GAL3ST2: variants seen among roughly 807,000 people sequenced by gnomAD.
GAL3ST2 encodes the protein beta-galactose-3-O-sulfotransferase 2.
A neutral mutation model predicts 12.9 loss-of-function variants in GAL3ST2; 16 were observed. The ratio of observed to expected loss-of-function variants is 1.24; its 90% CI spans 0.84 to 1.88. The LOEUF (loss-of-function observed/expected upper bound fraction) is 1.88, where lower values mean the gene tolerates loss of function less well. GAL3ST2 is among the 40% of genes most tolerant of loss of function. GAL3ST2 has a pLI of 0.00. For synonymous variants in GAL3ST2, 302 were observed against 273.9 expected (o/e 1.10, Z -1.01); for missense variants, 639 against 571.8 (o/e 1.12, Z -1.20).
At position 241,779,734 on chromosome 2, in the gene GAL3ST2, C is replaced by T. The variant is rs189361826; in HGVS notation, c.29+2750C>T. Among the ~76,000 whole-genome samples, 1,485 of 151,600 alleles carry T rather than the reference C, an allele frequency of 9.8e-3. 40 individuals are homozygous for T. The highest frequency in any genetic ancestry group is 0.034 in the African/African-American group (1,408 of 41,360). On this transcript the variant is annotated intron_variant, in intron 1 of 3. Transcript: ENST00000192314. ...GGCGCGGTGGCTCACACCTGTAATCCCAGCACTTTGGGAGGCCGAGGCGGG... is the reference window on the plus strand; with the variant it reads ...GGCGCGGTGGCTCACACCTGTAATCTCAGCACTTTGGGAGGCCGAGGCGGG...
rs1468531935 is a variant in GAL3ST2, at chr2:241,800,988, C to T, written c.120-793C>T. The T allele has an allele frequency of 6.6e-6, 1 of 152,140 alleles. No homozygotes were observed. Among genetic ancestry groups the T allele is most frequent in the African/African-American group, 2.4e-5 (1 of 41,430 alleles). 9.4% of individuals were successfully genotyped at this position (152,140 alleles called of 1,614,324 possible). A position where few individuals can be genotyped will look rare whatever the true frequency, so the allele number is the denominator to read the frequency against. On this transcript the variant is annotated intron_variant, in intron 2 of 3. Transcript: ENST00000192314. The surrounding 1 kb of genome is among the most constrained non-coding windows in gnomAD (Gnocchi z 5.2). Reference sequence around the variant, plus strand: ...TACTTTAAGTTCTGGGACACACGTGCAGAACGTGCAGGTTTGTTACACAGG... The same window carrying T: ...TACTTTAAGTTCTGGGACACACGTGTAGAACGTGCAGGTTTGTTACACAGG...
Position 241,785,737 on chromosome 2 carries a change from A to C in GAL3ST2, c.29+8753A>C, listed in dbSNP as rs143127726. ...AAAGGAGAGACAGCAGAAGTAAATA[A>C]AGAAAAACAGACCTCAGTCAACTGA... On this transcript the variant is annotated intron_variant, in intron 1 of 3. Coordinates refer to ENST00000192314, the MANE Select transcript of GAL3ST2 (RefSeq NM_022134.3). Among the ~76,000 whole-genome samples the C allele has an allele frequency of 3.5e-3, 536 of 152,222 alleles. 2 individuals are homozygous for C. The highest frequency in any genetic ancestry group is 0.012 in the African/African-American group (513 of 41,530).
rs1486106002 is a variant in GAL3ST2 at position 241,802,138 on chromosome 2, T to C, written c.375+102T>C. 2.2e-5 allele frequency: 25 copies of C among 1,119,174 alleles called. No homozygotes were observed. Among genetic ancestry groups the C allele is most frequent in the Non-Finnish European group, 2.8e-5 (23 of 824,546 alleles). 69.3% of individuals were successfully genotyped at this position (1,119,174 alleles called of 1,614,324 possible). A position where few individuals can be genotyped will look rare whatever the true frequency, so the allele number is the denominator to read the frequency against. Reference sequence around the variant, plus strand: ...GGCTGGAGAGAAGGAGTGTAAGGCTTGGGGGCGGGGCGTGCAGAAGGCGGG... The same window carrying C: ...GGCTGGAGAGAAGGAGTGTAAGGCTCGGGGGCGGGGCGTGCAGAAGGCGGG... On this transcript the variant is annotated intron_variant, in intron 3 of 3. Coordinates refer to ENST00000192314, the MANE Select transcript of GAL3ST2 (RefSeq NM_022134.3). The surrounding 1 kb of genome is among the most constrained non-coding windows in gnomAD (Gnocchi z 4.8).
At chr2:241,787,540 C>CCCCT (rs1553615867) in intron 1 of GAL3ST2, among the ~76,000 whole-genome samples, 1 of 136,274 alleles carries the variant, frequency 7.3e-6, no homozygotes, top group African/African-American at 2.8e-5. Context: ...ACTTCTCCTC[C>CCCCT]TTTTTTTTTT....
In GAL3ST2 at chr2:241,802,681, G is replaced by C. The variant is rs1049125871; in HGVS notation, c.375+645G>C. Among the ~76,000 whole-genome samples, 2 of 151,250 alleles carry C rather than the reference G, an allele frequency of 1.3e-5. No homozygotes were observed. Among genetic ancestry groups the C allele is most frequent in the Admixed American group, 6.6e-5 (1 of 15,172 alleles). On this transcript the variant is annotated intron_variant, in intron 3 of 3. Coordinates refer to ENST00000192314, the MANE Select transcript of GAL3ST2 (RefSeq NM_022134.3). This position sits in a 1 kb window ranked among gnomAD's most constrained non-coding sequence, Gnocchi z 4.8. The stretch of plus-strand genomic sequence containing the variant: ...CGGGAGGAGGGGAAAGGAAGAGGGT[G>C]GGGGCAGGGAGGAGGCCTCCCACTG...
chr2:241,799,040 C>A, intron 1 of GAL3ST2, 25 bp from the exon 2 acceptor site: 1 of 1,594,570 alleles, frequency 6.3e-7, no homozygotes, highest in Non-Finnish European at 8.6e-7. Flanking sequence ...CCGGACTGGG[C>A]ACTCATGGCC....
In GAL3ST2 at chr2:241,793,590, T is replaced by C. The variant is rs1181053130; in HGVS notation, c.30-5475T>C. Among the ~76,000 whole-genome samples, 1 of 146,712 alleles carries C rather than the reference T, an allele frequency of 6.8e-6. No homozygotes were observed. The highest frequency in any genetic ancestry group is 2.6e-5 in the African/African-American group (1 of 38,364). On this transcript the variant is annotated intron_variant, in intron 1 of 3. Transcript: ENST00000192314. The surrounding 1 kb of genome is among the most constrained non-coding windows in gnomAD (Gnocchi z 4.7). ...ATGTGTGCGTATATGTGTATGTATGTATATGTGTATATGTGTGTGTATTGT... is the reference window on the plus strand; with the variant it reads ...ATGTGTGCGTATATGTGTATGTATGCATATGTGTATATGTGTGTGTATTGT...
Position 241,801,724 on chromosome 2 carries a change from G to A in GAL3ST2, c.120-57G>A. On this transcript the variant is annotated intron_variant, in intron 2 of 3. Transcript: ENST00000192314. The surrounding 1 kb of genome is among the most constrained non-coding windows in gnomAD (Gnocchi z 4.4). ...GTTGCCGGGCTGGGGGTCGCTGTTG[G>A]GCGGGGGTTGGGGCATCTGCACCCT... 6.4e-7 allele frequency: 1 copy of A among 1,573,376 alleles called. No homozygotes were observed. Among genetic ancestry groups the A allele is most frequent in the South Asian group, 1.2e-5 (1 of 85,456 alleles).
chr2:241,797,398 T>C (rs1460053600), intron 1 of GAL3ST2, among the ~76,000 whole-genome samples: 2 of 152,264 alleles, frequency 1.3e-5, no homozygotes, highest in African/African-American at 2.4e-5. Context: ...ATGTTTTTTG[T>C]CCATTTGAAC....
chr2:241,801,916 C>G lies in GAL3ST2; in HGVS notation c.255C>G (p.Pro85=). ...CCCACAACCTGTCCGTGGCGCTGCC[C>G]GCCGGCTCACGCGTCCACCTGGGCT... ...AETHNLSVAL[P]AGSRVHLGYP... The change falls in exon 3 of 4, where the codon CCC becomes CCG. Residue 85 remains proline (P), a synonymous_variant. Coordinates refer to ENST00000192314, the MANE Select transcript of GAL3ST2 (RefSeq NM_022134.3). The surrounding 1 kb of genome is among the most constrained non-coding windows in gnomAD (Gnocchi z 4.4). 1 of 1,612,974 alleles carries G rather than the reference C, an allele frequency of 6.2e-7. No individual in the cohort carries two copies. The highest frequency in any genetic ancestry group is 8.5e-7 in the Non-Finnish European group (1 of 1,179,934).
chr2:241,782,731 A>G (rs1158490903), intron 1 of GAL3ST2, among the ~76,000 whole-genome samples: 4 of 152,082 alleles, frequency 2.6e-5, no homozygotes, highest in African/African-American at 9.7e-5. Flanking sequence ...TGTTTAAAAT[A>G]TAGCAGGACT....
rs374288085 is a variant in GAL3ST2 at position 241,803,428 on chromosome 2, C to T, written c.459C>T (p.Tyr153=). 1.2e-6 allele frequency: 2 copies of T among 1,612,438 alleles called. No individual in the cohort carries two copies. Among genetic ancestry groups the T allele is most frequent in the Non-Finnish European group, 1.7e-6 (2 of 1,179,672 alleles). ...TCCAGCTGGAGTCCTCCTTCATCTACTACAAAACCTACGCCCCCGCCTTCC... is the reference window on the plus strand; with the variant it reads ...TCCAGCTGGAGTCCTCCTTCATCTATTACAAAACCTACGCCCCCGCCTTCC... ...PVFQLESSFI[Y]YKTYAPAFRG... is the part of the protein sequence containing the mutation. Residue 153 remains tyrosine, a synonymous_variant, in exon 4 of 4, where the codon TAC becomes TAT. Coordinates refer to ENST00000192314, the MANE Select transcript of GAL3ST2 (RefSeq NM_022134.3).
chr2:241,783,701 A>G (rs534946797), intron 1 of GAL3ST2, among the ~76,000 whole-genome samples: 3 of 152,366 alleles, frequency 2.0e-5, no homozygotes, highest in East Asian at 3.8e-4. Flanking sequence ...TTACTTATTT[A>G]TGAAAACTGT....
At position 241,803,463 on chromosome 2, in the gene GAL3ST2, C is replaced by T. The variant is rs1012638602; in HGVS notation, c.494C>T (p.Pro165Leu). The change falls in exon 4 of 4, where the codon CCG (proline) becomes CTG (leucine). Residue 165 changes from proline (P) to leucine (L), a missense_variant. Pro to Leu is a moderately conservative substitution (Grantham distance 98). Transcript: ENST00000192314. ...TACGCCCCCGCCTTCCGGGGCGCCC[C>T]GAGCCTGGACGCGTTCCTGGCCTCG... ...KTYAPAFRGAPSLDAFLASPR... is the reference protein window; with the variant it reads ...KTYAPAFRGALSLDAFLASPR... 1.9e-6 allele frequency: 3 copies of T among 1,611,658 alleles called. No individual in the cohort carries two copies. The highest frequency in any genetic ancestry group is 2.2e-5 in the South Asian group (2 of 90,778).
intron 1 of GAL3ST2, among the ~76,000 whole-genome samples, chr2:241,789,559 GA>G (rs890951812): frequency 1.3e-5 from 2 of 152,138 alleles, no homozygotes; most frequent in African/African-American, 4.8e-5. Flanking sequence ...CTAAGATAGG[GA>G]AAAAAATATG....
At chr2:241,797,926 T>G (rs35320439) in intron 1 of GAL3ST2, among the ~76,000 whole-genome samples, 1 of 151,990 alleles carries the variant, frequency 6.6e-6, no homozygotes, top group African/African-American at 2.4e-5. Flanking sequence ...ATGCTGAGCT[T>G]GCCGAGTGCA....
At chr2:241,788,804 G>T (rs1215319136) in intron 1 of GAL3ST2, among the ~76,000 whole-genome samples, 5 of 152,206 alleles carry the variant, frequency 3.3e-5, no homozygotes, top group African/African-American at 7.2e-5. Flanking sequence ...CCTCTGGAGA[G>T]AGAAACTGAG....
intron 1 of GAL3ST2, among the ~76,000 whole-genome samples, chr2:241,777,275 G>C (rs1020135239): frequency 6.6e-6 from 1 of 152,342 alleles, no homozygotes; most frequent in East Asian, 1.9e-4. Context: ...GAGTGTCCGC[G>C]TGACGGCTGG....
At position 241,793,845 on chromosome 2, in the gene GAL3ST2, C is replaced by T. The variant is rs112672089; in HGVS notation, c.30-5220C>T. ...TTAATCCTGGAGTGTAAAAAACCATCGCCATAAGAATTTGCATGAGTCTTC... is the reference window on the plus strand; with the variant it reads ...TTAATCCTGGAGTGTAAAAAACCATTGCCATAAGAATTTGCATGAGTCTTC... On this transcript the variant is annotated intron_variant, in intron 1 of 3. Coordinates refer to ENST00000192314, the MANE Select transcript of GAL3ST2 (RefSeq NM_022134.3). This position sits in a 1 kb window ranked among gnomAD's most constrained non-coding sequence, Gnocchi z 4.7. Among the ~76,000 whole-genome samples, 949 of 152,110 alleles carry T rather than the reference C, an allele frequency of 6.2e-3. 9 individuals carry two copies. Among genetic ancestry groups the T allele is most frequent in the African/African-American group, 0.021 (890 of 41,488 alleles).
Sources: gnomAD v4.1 joint callset for allele counts (sites outside exome capture counted in the v4.1 genomes callset) on GRCh38, gnomAD v4.1.1 for gene constraint, Gnocchi (gnomAD v3.1) non-coding constraint, MANE v1.5 for transcripts, NCBI Gene and HGNC (gene_info 2026-07-23, HGNC 2026-07-21) for gene names.